Variants in CACNA1A observed in about 807,000 individuals in gnomAD.
The protein encoded by CACNA1A is voltage-dependent P/Q-type calcium channel subunit alpha-1A.
Under a neutral mutation model 262.4 loss-of-function variants are expected in CACNA1A, and 57 were observed. The ratio of observed to expected loss-of-function variants is 0.22; its 90% CI spans 0.18 to 0.27. CACNA1A has a LOEUF of 0.27. CACNA1A is among the 10% of genes least tolerant of loss of function. The probability of loss-of-function intolerance (pLI) is 1.00; values close to 1 mark genes in which losing one functional copy is unlikely to be tolerated. For synonymous variants in CACNA1A, 1,431 were observed against 1,419.3 expected, an observed-to-expected ratio of 1.01 and a Z score of -0.18; for missense variants, 2,526 against 3,562.8, an observed-to-expected ratio of 0.71 and a Z score of 7.41.
At chr19:13,480,832 G>C (rs1195842387) in intron 1 of CACNA1A, among the ~76,000 whole-genome samples, 1 of 152,122 alleles carries the variant, frequency 6.6e-6, no homozygotes, top group African/African-American at 2.4e-5. Context: ...ATAACATGCT[G>C]AGTTCTTACC....
chr19:13,209,641 A>C, intron 44 of CACNA1A, 143 bp from the exon 45 acceptor site: 1 of 540,430 alleles, frequency 1.9e-6, no homozygotes, highest in Non-Finnish European at 2.8e-6. Context: ...AGGGGATGCC[A>C]TGGGGCCTTG....
chr19:13,328,842 GTGGATCAGAAACTA>G (rs1157876020), intron 10 of CACNA1A, among the ~76,000 whole-genome samples: 3 of 151,978 alleles, frequency 2.0e-5, no homozygotes, highest in African/African-American at 7.3e-5. Flanking sequence ...ATACGAAATA[GTGGATCAGAAACTA>G]TGGATCAGAA....
At position 13,212,742 on chromosome 19, in the gene CACNA1A, T is replaced by C. The variant is rs1555731992; in HGVS notation, c.5941-2A>G. 6.8e-7 allele frequency: 1 copy of C among 1,477,144 alleles called. No homozygotes were observed. Among genetic ancestry groups the C allele is most frequent in the Non-Finnish European group, 9.0e-7 (1 of 1,107,796 alleles). The allele number at this position is 1,477,144 out of a possible 1,614,324, so 91.5% of individuals were successfully genotyped here. On this transcript the variant is annotated splice_acceptor_variant, in intron 40 of 46. Coordinates refer to ENST00000360228, the MANE Select transcript of CACNA1A (RefSeq NM_001127222.2). LOFTEE classifies it high-confidence loss of function. The surrounding 1 kb of genome is among the most constrained non-coding windows in gnomAD (Gnocchi z 5.6). ...CTGGAACATGAGGGGTGTCCGGTCC[T>C]GGGGAATGGGGCAGAGAGCAGTGTG... is the stretch of plus-strand genomic sequence containing the variant.
At chr19:13,274,298 A>C (rs1401772030) in intron 24 of CACNA1A, 1 of 152,156 alleles carries the variant, frequency 6.6e-6, no homozygotes, top group Non-Finnish European at 1.5e-5. Context: ...CCAGAGAAGA[A>C]TCTAAGTGTG....
chr19:13,247,307 C>T (rs932539825), intron 30 of CACNA1A, among the ~76,000 whole-genome samples: 1 of 152,224 alleles, frequency 6.6e-6, no homozygotes, highest in Admixed American at 6.5e-5. Context: ...AGTGGTAACA[C>T]AGCAATCAGA....
chr19:13,401,400 G>T (rs2059897834), intron 3 of CACNA1A, among the ~76,000 whole-genome samples: 1 of 152,162 alleles, frequency 6.6e-6, no homozygotes, highest in African/African-American at 2.4e-5. Flanking sequence ...GCATTAGGTA[G>T]GCTGATATGT....
chr19:13,387,055 G>T (rs1251159635), intron 3 of CACNA1A, among the ~76,000 whole-genome samples: 1 of 151,936 alleles, frequency 6.6e-6, no homozygotes, highest in East Asian at 2.0e-4. Flanking sequence ...GGGTTCAAAT[G>T]TTTCTCCTGC....
intron 43 of CACNA1A, chr19:13,210,989 C>T (rs1190411289): frequency 1.1e-5 from 4 of 377,960 alleles, no homozygotes; most frequent in South Asian, 3.4e-5. Context: ...CTGCCTCATG[C>T]GATGCACACC....
intron 19 of CACNA1A, among the ~76,000 whole-genome samples, chr19:13,291,320 G>A (rs550170351): frequency 1.2e-3 from 188 of 151,988 alleles, no homozygotes; most frequent in Non-Finnish European, 2.3e-3. Flanking sequence ...CTTATCTCGT[G>A]TCCCCACCCC....
intron 17 of CACNA1A, 44 bp from the exon 18 acceptor site, chr19:13,300,700 C>A: frequency 4.7e-6 from 7 of 1,487,298 alleles, no homozygotes; most frequent in South Asian, 1.1e-5. Context: ...ATGAACTAGG[C>A]CTTGGGGACT....
chr19:13,470,134 A>C (rs1254215900), intron 1 of CACNA1A, among the ~76,000 whole-genome samples: 1 of 152,104 alleles, frequency 6.6e-6, no homozygotes, highest in Admixed American at 6.5e-5. Context: ...GGAATGACCC[A>C]ATTTACAGAA....
chr19:13,364,215 A>AC (rs1419876497), intron 5 of CACNA1A: 7 of 151,502 alleles, frequency 4.6e-5, no homozygotes, highest in East Asian at 1.9e-4. Flanking sequence ...TATCTCTGGT[A>AC]CATCCTGGGG....
intron 40 of CACNA1A, among the ~76,000 whole-genome samples, chr19:13,213,273 T>C (rs2054884993): frequency 6.6e-6 from 1 of 152,202 alleles, no homozygotes; most frequent in South Asian, 2.1e-4. Flanking sequence ...CTGTTTCCTC[T>C]GCCTGGAACA....
rs756975806 is a variant in CACNA1A at position 13,334,541 on chromosome 19, G to C, written c.1083-48C>G. 5.6e-5 allele frequency: 53 copies of C among 949,668 alleles called. No homozygotes were observed. The East Asian group carries it at 1.0e-3, about 18-fold the overall frequency. The allele number at this position is 949,668 out of a possible 1,614,324, so 58.8% of individuals were successfully genotyped here. A position where few individuals can be genotyped will look rare whatever the true frequency, so the allele number is the denominator to read the frequency against. On this transcript the variant is annotated intron_variant, in intron 7 of 46. Transcript: ENST00000360228. ...GAGTATGGCTGTTTTGAAAATGTTA[G>C]GAAACGTTTGTGTGTGTGTTTGTGT... is the stretch of plus-strand genomic sequence containing the variant.
At chr19:13,313,318 A>G (rs920739680) in intron 11 of CACNA1A, among the ~76,000 whole-genome samples, 4 of 151,878 alleles carry the variant, frequency 2.6e-5, no homozygotes, top group Admixed American at 6.6e-5. Context: ...CCTGGCTAAC[A>G]TGGCAAACCC....
rs118173896 is a variant in CACNA1A, at chr19:13,401,200, C to A, written c.540-29421G>T. 5.9e-5 allele frequency among the ~76,000 whole-genome samples: 9 copies of A among 152,272 alleles called. No individual in the cohort carries two copies. The East Asian group carries it at 1.7e-3, about 29-fold the overall frequency. On this transcript the variant is annotated intron_variant, in intron 3 of 46. Coordinates refer to ENST00000360228, the MANE Select transcript of CACNA1A (RefSeq NM_001127222.2). ...AAATGGATTATGCCAATTTTAGGGTCCTTCTGCCTCTTTCTAAACTACAAT... is the reference window on the plus strand; with the variant it reads ...AAATGGATTATGCCAATTTTAGGGTACTTCTGCCTCTTTCTAAACTACAAT...
At chr19:13,217,421 A>G (rs927534720) in intron 38 of CACNA1A, among the ~76,000 whole-genome samples, 2 of 152,126 alleles carry the variant, frequency 1.3e-5, no homozygotes, top group African/African-American at 4.8e-5. Context: ...TGAACTATGA[A>G]AAGAAAGCGC....
At chr19:13,419,353 C>T (rs1350925426) in intron 3 of CACNA1A, among the ~76,000 whole-genome samples, 1 of 152,174 alleles carries the variant, frequency 6.6e-6, no homozygotes, top group Non-Finnish European at 1.5e-5. Flanking sequence ...CACACAATGA[C>T]AAAATCGCCT....
intron 1 of CACNA1A, among the ~76,000 whole-genome samples, chr19:13,466,626 CCA>C: frequency 6.6e-6 from 1 of 152,200 alleles, no homozygotes; most frequent in Admixed American, 6.5e-5. Context: ...CAGGCGTGAG[CCA>C]CCATGCCCAT....
Sources: gnomAD v4.1 joint callset for allele counts (sites outside exome capture counted in the v4.1 genomes callset) on GRCh38, gnomAD v4.1.1 for gene constraint, Gnocchi (gnomAD v3.1) non-coding constraint, MANE v1.5 for transcripts, NCBI Gene and HGNC (gene_info 2026-07-23, HGNC 2026-07-21) for gene names.